PRKN: variants seen among roughly 807,000 people sequenced by gnomAD.
PRKN encodes the protein parkin RBR E3 ubiquitin protein ligase.
Under a neutral mutation model 59.5 loss-of-function variants are expected in PRKN, and 56 were observed. The ratio of observed to expected loss-of-function variants is 0.94; its 90% CI spans 0.76 to 1.18. PRKN has a LOEUF of 1.18. Ranked by LOEUF, PRKN falls within the 50% of genes most tolerant of loss-of-function variation. PRKN has a pLI of 0.00. For missense variants in PRKN, 657 were observed against 596.4 expected (o/e 1.10, Z -1.06); for synonymous variants, 250 against 222.1 (o/e 1.13, Z -1.12).
intron 9 of PRKN, among the ~76,000 whole-genome samples, chr6:161,506,200 A>T (rs9458291): frequency 0.71 from 107,930 of 150,958 alleles, 38,850 homozygotes; most frequent in Middle Eastern, 0.81. Flanking sequence ...CTTTAATTTC[A>T]TTGAGCAGTG....
chr6:162,553,390 G>A (rs568923193), intron 1 of PRKN, among the ~76,000 whole-genome samples: 2 of 150,086 alleles, frequency 1.3e-5, no homozygotes, highest in African/African-American at 2.4e-5. Context: ...TGGGAGGAGT[G>A]GGAGGTCTTA....
chr6:162,276,593 A>T (rs918822563), intron 2 of PRKN, among the ~76,000 whole-genome samples: 3 of 152,112 alleles, frequency 2.0e-5, no homozygotes, highest in Non-Finnish European at 4.4e-5. Context: ...AAAAACATAA[A>T]ATTGTCAAAG....
chr6:162,082,694 T>G (rs1447900140), intron 4 of PRKN, among the ~76,000 whole-genome samples: 1 of 152,020 alleles, frequency 6.6e-6, no homozygotes, highest in African/African-American at 2.4e-5. Flanking sequence ...GTGAGAGACG[T>G]GCCATTCCTC....
At position 162,595,611 on chromosome 6, in the gene PRKN, T is replaced by A. The variant is rs558402070; in HGVS notation, c.7+132051A>T. On this transcript the variant is annotated intron_variant, in intron 1 of 11. Coordinates refer to ENST00000366898, the MANE Select transcript of PRKN (RefSeq NM_004562.3). ...AACAATTACAGTTATTGTTTTTTTT[T>A]AAATATCTTTAGTGTTGCTCTATTT... 1.4e-4 allele frequency among the ~76,000 whole-genome samples: 21 copies of A among 152,252 alleles called. No individual in the cohort carries two copies. The South Asian group carries it at 1.7e-3, about 12-fold the overall frequency.
intron 5 of PRKN, among the ~76,000 whole-genome samples, chr6:162,002,124 T>C (rs1414196451): frequency 2.6e-5 from 4 of 152,080 alleles, no homozygotes; most frequent in East Asian, 1.9e-4. Flanking sequence ...TTTTCTTTTC[T>C]TGCAATATCT....
chr6:161,367,646 C>T (rs1032671619), intron 10 of PRKN, among the ~76,000 whole-genome samples: 1 of 152,162 alleles, frequency 6.6e-6, no homozygotes, highest in Non-Finnish European at 1.5e-5. Flanking sequence ...TCCCATTAAT[C>T]TGATGACTCA....
chr6:161,349,507 G>A lies in PRKN; in HGVS notation c.*592C>T, dbSNP rs1234845099. 8.6e-6 allele frequency: 2 copies of A among 233,566 alleles called. No individual in the cohort carries two copies. The highest frequency in any genetic ancestry group is 6.1e-5 in the East Asian group (1 of 16,380). 14.5% of individuals were successfully genotyped at this position (233,566 alleles called of 1,614,324 possible). ...ATGGAATTCTTAAGGATAAACAAAT[G>A]TTTTTGACTATTGCCTGGGGTTCTT... On this transcript the variant is annotated 3_prime_UTR_variant, in exon 12 of 12. Transcript: ENST00000366898. The surrounding 1 kb of genome is among the most constrained non-coding windows in gnomAD (Gnocchi z 5.5).
intron 2 of PRKN, among the ~76,000 whole-genome samples, chr6:162,365,265 T>A (rs1418433883): frequency 6.6e-6 from 1 of 152,168 alleles, no homozygotes; most frequent in African/African-American, 2.4e-5. Flanking sequence ...TGTATTGTTC[T>A]GTAATGTGCT....
intron 6 of PRKN, among the ~76,000 whole-genome samples, chr6:161,939,090 A>G (rs889645928): frequency 2.0e-5 from 3 of 152,190 alleles, no homozygotes; most frequent in Non-Finnish European, 2.9e-5. Context: ...AATATCAACC[A>G]ACTTCAATCC....
At chr6:162,045,345 A>G (rs1784211658) in intron 5 of PRKN, among the ~76,000 whole-genome samples, 1 of 152,220 alleles carries the variant, frequency 6.6e-6, no homozygotes, top group African/African-American at 2.4e-5. Context: ...CTTGCGTAAG[A>G]TGATCACCAC....
At chr6:162,160,526 A>T (rs1313850715) in intron 4 of PRKN, among the ~76,000 whole-genome samples, 1 of 152,170 alleles carries the variant, frequency 6.6e-6, no homozygotes, top group African/African-American at 2.4e-5. Flanking sequence ...ATATAAAAGC[A>T]TATACACTTA....
chr6:162,437,837 ACAT>A (rs1187294857), intron 2 of PRKN, among the ~76,000 whole-genome samples: 1 of 152,178 alleles, frequency 6.6e-6, no homozygotes, highest in Non-Finnish European at 1.5e-5. Context: ...CCACTGAAAG[ACAT>A]CAGAGTTGTT....
chr6:162,187,843 G>T (rs750994614), intron 4 of PRKN, among the ~76,000 whole-genome samples: 1 of 152,128 alleles, frequency 6.6e-6, no homozygotes, highest in African/African-American at 2.4e-5. Flanking sequence ...CAGATACAGC[G>T]TGATGGGTTG....
intron 5 of PRKN, among the ~76,000 whole-genome samples, chr6:162,047,293 G>A (rs557162152): frequency 2.8e-4 from 43 of 152,108 alleles, no homozygotes; most frequent in Non-Finnish European, 4.7e-4. Context: ...GTGTCCAGCT[G>A]CTCTTTGACC....
At chr6:161,785,945 G>T (rs1562683372) in intron 6 of PRKN, 37 bp from the exon 7 acceptor site, 2 of 1,611,728 alleles carry the variant, frequency 1.2e-6, no homozygotes, top group Non-Finnish European at 1.7e-6. Flanking sequence ...TCTAGTACCT[G>T]TCAGTGTGGA....
intron 1 of PRKN, among the ~76,000 whole-genome samples, chr6:162,629,471 C>T (rs937049438): frequency 2.0e-5 from 3 of 151,990 alleles, no homozygotes; most frequent in South Asian, 2.1e-4. Flanking sequence ...AAAACAAGTT[C>T]GTATTTTTAA....
At chr6:162,034,186 T>TATATATAGAGAG (rs1349695864) in intron 5 of PRKN, among the ~76,000 whole-genome samples, 4 of 133,286 alleles carry the variant, frequency 3.0e-5, no homozygotes, top group Non-Finnish European at 4.7e-5. Context: ...TATATATATA[T>TATATATAGAGAG]AGAGAGAGAG....
intron 1 of PRKN, among the ~76,000 whole-genome samples, chr6:162,541,163 T>C (rs577372046): frequency 2.0e-5 from 3 of 152,216 alleles, no homozygotes; most frequent in Admixed American, 6.5e-5. Flanking sequence ...GGCAGTACAA[T>C]GGTGTATAAA....
chr6:162,459,228 C>T (rs1054244447), intron 1 of PRKN, among the ~76,000 whole-genome samples: 2 of 152,110 alleles, frequency 1.3e-5, no homozygotes, highest in Admixed American at 1.3e-4. Flanking sequence ...AGAGATACTA[C>T]ATGCAATCTG....
Sources: allele counts gnomAD v4.1 joint callset (sites outside exome capture counted in the v4.1 genomes callset), GRCh38; gene constraint gnomAD v4.1.1; non-coding constraint Gnocchi (gnomAD v3.1); transcripts MANE v1.5; gene names NCBI Gene and HGNC (gene_info 2026-07-23, HGNC 2026-07-21).